The following METTL25 variants were observed in gnomAD, a reference collection of about 807,000 sequenced individuals.
METTL25 encodes methyltransferase like 25.
METTL25 carries 64 observed loss-of-function variants against 71.6 expected under a neutral mutation model. The observed-to-expected ratio is 0.89, with a 90% CI of 0.73 to 1.10. The LOEUF (loss-of-function observed/expected upper bound fraction) is 1.10, where lower values mean the gene tolerates loss of function less well. METTL25 is among the 50% of genes least tolerant of loss of function. The pLI is 0.00. For missense variants in METTL25, 807 were observed against 707.0 expected (o/e 1.14, Z -1.60); for synonymous variants, 287 against 250.3 (o/e 1.15, Z -1.38).
chr12:82,385,786 T>C (rs1884932760), intron 1 of METTL25, among the ~76,000 whole-genome samples: 1 of 152,162 alleles, frequency 6.6e-6, no homozygotes, highest in African/African-American at 2.4e-5. Context: ...TGTAGTTTGA[T>C]AGTAATGCTG....
chr12:82,455,894 A>G (rs1891457988), intron 8 of METTL25, among the ~76,000 whole-genome samples: 1 of 151,934 alleles, frequency 6.6e-6, no homozygotes, highest in Non-Finnish European at 1.5e-5. Context: ...GAGAGACTTC[A>G]GTTTTAGAGG....
intron 4 of METTL25, among the ~76,000 whole-genome samples, chr12:82,400,219 C>G (rs1200960172): frequency 6.6e-6 from 1 of 151,768 alleles, no homozygotes; most frequent in Admixed American, 6.6e-5. Context: ...ATAGTCCCAG[C>G]TACTCGGGAG....
chr12:82,358,552 G>A lies in METTL25; in HGVS notation c.-14G>A, dbSNP rs200200219. On this transcript the variant is annotated 5_prime_UTR_variant, in exon 1 of 12. Transcript: ENST00000248306. Reference sequence around the variant, plus strand: ...CCATGTTTGCGCCACCTACAGCCTCGGAGGGTGAGCGTCATGGCGGCTTCT... The same window carrying A: ...CCATGTTTGCGCCACCTACAGCCTCAGAGGGTGAGCGTCATGGCGGCTTCT... The A allele has an allele frequency of 1.2e-6, 2 of 1,607,916 alleles. No homozygotes were observed. The highest frequency in any genetic ancestry group is 1.7e-6 in the Non-Finnish European group (2 of 1,178,816).
chr12:82,383,594 A>C (rs1297609026), intron 1 of METTL25, among the ~76,000 whole-genome samples: 1 of 152,210 alleles, frequency 6.6e-6, no homozygotes, highest in Admixed American at 6.5e-5. Flanking sequence ...GTATACATAC[A>C]GTAAATGTTA....
At chr12:82,371,277 G>C (rs1883204564) in intron 1 of METTL25, among the ~76,000 whole-genome samples, 1 of 152,174 alleles carries the variant, frequency 6.6e-6, no homozygotes, top group African/African-American at 2.4e-5. Flanking sequence ...GTGAGCTGGT[G>C]CCTGCCCCAG....
chr12:82,381,590 A>G (rs563253882), intron 1 of METTL25, among the ~76,000 whole-genome samples: 16 of 152,288 alleles, frequency 1.1e-4, no homozygotes, highest in Admixed American at 2.6e-4. Flanking sequence ...TATATATTCT[A>G]TTTTCTTCCC....
chr12:82,366,757 G>A (rs1882621544), intron 1 of METTL25, among the ~76,000 whole-genome samples: 1 of 152,134 alleles, frequency 6.6e-6, no homozygotes, highest in Admixed American at 6.5e-5. Flanking sequence ...GAAATAATTA[G>A]TGTGTTCTGT....
chr12:82,424,867 C>T (rs1028633765), intron 5 of METTL25, among the ~76,000 whole-genome samples: 1 of 151,894 alleles, frequency 6.6e-6, no homozygotes, highest in Non-Finnish European at 1.5e-5. Flanking sequence ...TAGTAATCAC[C>T]AGAAACTGGT....
rs112889023 is a variant in METTL25, at chr12:82,418,368, G to C, written c.1280-12525G>C. 2.0e-3 allele frequency among the ~76,000 whole-genome samples: 305 copies of C among 152,142 alleles called. 2 individuals are homozygous for C. The highest frequency in any genetic ancestry group is 7.1e-3 in the African/African-American group (293 of 41,530). On this transcript the variant is annotated intron_variant, in intron 5 of 11. Transcript: ENST00000248306. ...ATGTAAAGGCACATCAAACATAAAG[G>C]TGTAGTACTAAATCATGACTGCATA... is the stretch of plus-strand genomic sequence containing the variant.
intron 5 of METTL25, among the ~76,000 whole-genome samples, chr12:82,414,013 T>A (rs1887764553): frequency 2.6e-5 from 4 of 151,620 alleles, no homozygotes; most frequent in Admixed American, 2.0e-4. Flanking sequence ...TTCTTAACTA[T>A]ATTAATATTA....
At chr12:82,365,870 C>G (rs1301031281) in intron 1 of METTL25, among the ~76,000 whole-genome samples, 3 of 152,038 alleles carry the variant, frequency 2.0e-5, no homozygotes, top group African/African-American at 7.3e-5. Context: ...ATCACGAGGT[C>G]AGGAGATCGA....
At chr12:82,403,208 C>G in intron 5 of METTL25, 78 bp downstream of exon 5, 1 of 1,406,798 alleles carries the variant, frequency 7.1e-7, no homozygotes, top group Admixed American at 2.2e-5. Context: ...CTATTTCTCC[C>G]CGTTTTTTCG....
intron 3 of METTL25, among the ~76,000 whole-genome samples, chr12:82,393,933 G>A (rs1317790183): frequency 6.6e-6 from 1 of 151,866 alleles, no homozygotes; most frequent in East Asian, 1.9e-4. Flanking sequence ...GTTTTGGTAT[G>A]TTGTGTTTCC....
intron 1 of METTL25, among the ~76,000 whole-genome samples, chr12:82,370,641 T>TA (rs1883119430): frequency 6.6e-6 from 1 of 152,214 alleles, no homozygotes; most frequent in Non-Finnish European, 1.5e-5. Context: ...TTATCAATTA[T>TA]AGTTTTAAAT....
chr12:82,423,001 C>T (rs1190813992), intron 5 of METTL25, among the ~76,000 whole-genome samples: 13 of 152,140 alleles, frequency 8.5e-5, no homozygotes, highest in African/African-American at 2.9e-4. Flanking sequence ...ATTGCCATCC[C>T]CATCAAACTA....
At chr12:82,412,983 A>G (rs550082024) in intron 5 of METTL25, among the ~76,000 whole-genome samples, 1 of 152,162 alleles carries the variant, frequency 6.6e-6, no homozygotes, top group African/African-American at 2.4e-5. Context: ...TTTAAAACAA[A>G]TTATGTGATT....
Position 82,403,010 on chromosome 12 carries a change from TGTG to T in METTL25, c.1163_1165del (p.Gly388del), listed in dbSNP as rs755106606. On this transcript the variant is annotated inframe_deletion, in exon 5 of 12. Transcript: ENST00000248306. ...TTGTTTGATGGTGGGTCTCCACACT[TGTG>T]GTGATCTGGCTCCAAATACTTTGCG... 4 of 1,612,556 alleles carry T rather than the reference TGTG, an allele frequency of 2.5e-6. No homozygotes were observed. The highest frequency in any genetic ancestry group is 1.7e-6 in the Non-Finnish European group (2 of 1,179,154).
chr12:82,420,887 G>A (rs111547136), intron 5 of METTL25, among the ~76,000 whole-genome samples: 30 of 151,724 alleles, frequency 2.0e-4, no homozygotes, highest in African/African-American at 5.1e-4. Context: ...GTGGAGTCTC[G>A]TTCTGTCACC....
At chr12:82,374,675 A>G (rs980955054) in intron 1 of METTL25, among the ~76,000 whole-genome samples, 36 of 152,350 alleles carry the variant, frequency 2.4e-4, no homozygotes, top group African/African-American at 7.7e-4. Flanking sequence ...TTACATAGAG[A>G]GTATGTGGGC....
Sources: allele counts gnomAD v4.1 joint callset (sites outside exome capture counted in the v4.1 genomes callset), GRCh38; gene constraint gnomAD v4.1.1; transcripts MANE v1.5; gene names NCBI Gene and HGNC (gene_info 2026-07-23, HGNC 2026-07-21).